The following SLC38A11 variants were observed in gnomAD, a reference collection of about 807,000 sequenced individuals.
SLC38A11 encodes solute carrier family 38 member 11, also known as putative sodium-coupled neutral amino acid transporter 11.
In SLC38A11, 51 loss-of-function variants were observed where a neutral mutation model predicts 49.4. The ratio of observed to expected loss-of-function variants is 1.03; its 90% confidence interval spans 0.83 to 1.30. The LOEUF is 1.30. SLC38A11 is among the 50% of genes most tolerant of loss of function. SLC38A11 has a pLI of 0.00. For missense variants in SLC38A11, 574 were observed against 556.2 expected (o/e 1.03, Z -0.32); for synonymous variants, 203 against 192.9 (o/e 1.05, Z -0.43).
At chr2:164,929,011 A>G (rs188384597) in intron 7 of SLC38A11, among the ~76,000 whole-genome samples, 27 of 152,160 alleles carry the variant, frequency 1.8e-4, no homozygotes, top group Admixed American at 9.2e-4. Flanking sequence ...CATGATAAAG[A>G]TGGTATTTTT....
Position 164,945,886 on chromosome 2 carries a change from A to G in SLC38A11, c.230-159T>C, listed in dbSNP as rs528847410. ...CAGGCTAACTTTCTTTTCATAAAAC[A>G]TTACCTTTTATTAAACAGTAATGTT... is the stretch of plus-strand genomic sequence containing the variant. On this transcript the variant is annotated intron_variant, in intron 3 of 11. Transcript: ENST00000685975. Among the ~76,000 whole-genome samples the G allele has an allele frequency of 2.0e-5, 3 of 152,286 alleles. No homozygotes were observed. In the East Asian group the frequency reaches 5.8e-4, roughly 29 times the overall value.
At chr2:164,908,817 C>T (rs1383855236) in intron 10 of SLC38A11, 46 bp from the exon 11 acceptor site, 5 of 1,563,648 alleles carry the variant, frequency 3.2e-6, no homozygotes, top group Non-Finnish European at 2.6e-6. Flanking sequence ...TAAAGGCATG[C>T]AGGATTTATT....
At chr2:164,924,428 TC>T (rs1409670105) in intron 7 of SLC38A11, among the ~76,000 whole-genome samples, 1 of 152,184 alleles carries the variant, frequency 6.6e-6, no homozygotes, top group East Asian at 1.9e-4. Context: ...GGTGACTGGA[TC>T]ACTTGTACTC....
intron 3 of SLC38A11, among the ~76,000 whole-genome samples, chr2:164,952,406 C>A (rs527775670): frequency 6.6e-6 from 1 of 152,268 alleles, no homozygotes. Flanking sequence ...CGTCTCTTAG[C>A]CTTAATGAAG....
rs1684441497 is a variant in SLC38A11 at position 164,898,453 on chromosome 2, A to C, written c.1373T>G (p.Ile458Ser). The change falls in exon 12 of 12, where the codon ATT becomes AGT. Residue 458 changes from isoleucine to serine, a missense_variant. Ile to Ser is a moderately radical substitution (Grantham distance 142). Coordinates refer to ENST00000685975, the MANE Select transcript of SLC38A11 (RefSeq NM_001351537.2). ...GCAGTCAACTCATTGAAAGATACTAATATTTAAAGTAGAAAGTTGTGTTGT... is the reference window on the plus strand; with the variant it reads ...GCAGTCAACTCATTGAAAGATACTACTATTTAAAGTAGAAAGTTGTGTTGT... ...QQTTQLSTLNISIFQ is the reference protein window; with the variant it reads ...QQTTQLSTLNSSIFQ The C allele has an allele frequency of 6.2e-7, 1 of 1,610,738 alleles. No homozygotes were observed. The highest frequency in any genetic ancestry group is 8.5e-7 in the Non-Finnish European group (1 of 1,177,668).
chr2:164,925,543 G>T (rs1686512354), intron 7 of SLC38A11, among the ~76,000 whole-genome samples: 1 of 152,088 alleles, frequency 6.6e-6, no homozygotes, highest in African/African-American at 2.4e-5. Flanking sequence ...AAGATTGGGT[G>T]ACTTCTACTC....
intron 11 of SLC38A11, among the ~76,000 whole-genome samples, chr2:164,900,673 T>A (rs1169274779): frequency 1.3e-5 from 2 of 152,106 alleles, no homozygotes; most frequent in Non-Finnish European, 2.9e-5. Context: ...ATTGAGTTAT[T>A]AGAATTATTT....
chr2:164,905,072 G>C (rs1184621511), intron 11 of SLC38A11, among the ~76,000 whole-genome samples: 1 of 151,914 alleles, frequency 6.6e-6, no homozygotes, highest in Admixed American at 6.6e-5. Flanking sequence ...ACCTGGTACA[G>C]AGTAAGTACT....
At chr2:164,937,266 C>T in intron 7 of SLC38A11, 84 bp downstream of exon 7, 1 of 903,820 alleles carries the variant, frequency 1.1e-6, no homozygotes, top group South Asian at 1.4e-5. Context: ...ACCATGGTTA[C>T]TTTATATTTC....
In SLC38A11 at chr2:164,898,743, A is replaced by G. The variant is rs1684467368; in HGVS notation, c.1096-13T>C. The G allele has an allele frequency of 6.3e-7, 1 of 1,594,798 alleles. No homozygotes were observed. Among genetic ancestry groups the G allele is most frequent in the African/African-American group, 1.3e-5 (1 of 74,266 alleles). On this transcript the variant is annotated splice_polypyrimidine_tract_variant and intron_variant, in intron 11 of 11. Coordinates refer to ENST00000685975, the MANE Select transcript of SLC38A11 (RefSeq NM_001351537.2). ...CACAGAGCACACCCTGCATGTTGAA[A>G]ACAAGAAACAAGATAATGTCACTAG...
chr2:164,955,115 A>C, intron 1 of SLC38A11, 94 bp downstream of exon 1: 9 of 1,235,652 alleles, frequency 7.3e-6, no homozygotes, highest in Non-Finnish European at 1.0e-5. Context: ...TGCTAAACCA[A>C]GAGCCCAGGT....
At position 164,931,773 on chromosome 2, in the gene SLC38A11, C is replaced by G. The variant is rs562443025; in HGVS notation, c.617+5577G>C. 1.0e-3 allele frequency among the ~76,000 whole-genome samples: 158 copies of G among 152,160 alleles called. 2 individuals are homozygous for G. Among genetic ancestry groups the G allele is most frequent in the African/African-American group, 3.6e-3 (148 of 41,516 alleles). On this transcript the variant is annotated intron_variant, in intron 7 of 11. Coordinates refer to ENST00000685975, the MANE Select transcript of SLC38A11 (RefSeq NM_001351537.2). ...CTTACACCATACACAAAAATTAACT[C>G]AAGATGGATTAAAGACTTAAATGTA... is the stretch of plus-strand genomic sequence containing the variant.
intron 7 of SLC38A11, 55 bp downstream of exon 7, chr2:164,937,295 A>G: frequency 8.8e-7 from 1 of 1,140,750 alleles, no homozygotes; most frequent in South Asian, 1.3e-5. Flanking sequence ...TGCCATCTAA[A>G]TATCTATGTG....
intron 3 of SLC38A11, among the ~76,000 whole-genome samples, chr2:164,952,236 C>T (rs913874436): frequency 9.2e-5 from 14 of 152,108 alleles, no homozygotes; most frequent in South Asian, 2.1e-4. Flanking sequence ...TAGCAGGCAG[C>T]GAGTTTGGGC....
intron 1 of SLC38A11, 83 bp downstream of exon 1, chr2:164,955,126 G>T: frequency 7.6e-7 from 1 of 1,313,948 alleles, no homozygotes; most frequent in Non-Finnish European, 1.1e-6. Context: ...GAGCCCAGGT[G>T]AAGGTAGGTG....
chr2:164,907,392 G>T (rs1227038026), intron 11 of SLC38A11, among the ~76,000 whole-genome samples: 1 of 145,250 alleles, frequency 6.9e-6, no homozygotes, highest in East Asian at 2.1e-4. Flanking sequence ...TCTCACCTCA[G>T]CCTCTCAAGT....
Position 164,915,919 on chromosome 2 carries a change from G to GACC in SLC38A11, c.669_671dup (p.Val224dup), listed in dbSNP as rs1342690371. 6.2e-6 allele frequency: 10 copies of GACC among 1,601,816 alleles called. No individual in the cohort carries two copies. The highest frequency in any genetic ancestry group is 7.7e-6 in the Non-Finnish European group (9 of 1,171,116). ...AATACTCACCAAAAGACATAACCCC[G>GACC]ACCGCTTGAATGGCATTGGGCTTTG... On this transcript the variant is annotated inframe_insertion, in exon 8 of 12. Transcript: ENST00000685975.
rs117077996 is a variant in SLC38A11 at position 164,955,172 on chromosome 2, C to A, written c.39+37G>T. 2.0e-3 allele frequency: 3,084 copies of A among 1,548,060 alleles called. 118 individuals carry two copies. In the East Asian group the frequency reaches 0.063, roughly 32 times the overall value. Reference sequence around the variant, plus strand: ...TTGCAAGGTGAATGAAATTTCCGGACAACTGGCTTCAGAACCTGCCTAGTC... The same window carrying A: ...TTGCAAGGTGAATGAAATTTCCGGAAAACTGGCTTCAGAACCTGCCTAGTC... On this transcript the variant is annotated intron_variant, in intron 1 of 11. Transcript: ENST00000685975.
chr2:164,899,547 G>C (rs1181951533), intron 11 of SLC38A11, among the ~76,000 whole-genome samples: 2 of 152,004 alleles, frequency 1.3e-5, no homozygotes. Flanking sequence ...AACATTTAAT[G>C]CATTTTAGGT....
Sources: gnomAD v4.1 joint callset for allele counts (sites outside exome capture counted in the v4.1 genomes callset) on GRCh38, gnomAD v4.1.1 for gene constraint, MANE v1.5 for transcripts, NCBI Gene and HGNC (gene_info 2026-07-23, HGNC 2026-07-21) for gene names.